The following NFAT5 variants were observed in gnomAD, a reference collection of about 807,000 sequenced individuals.
NFAT5 encodes nuclear factor of activated T cells 5, also known as nuclear factor of activated T-cells 5.
A neutral mutation model predicts 166.5 loss-of-function variants in NFAT5; 31 were observed. That is an observed-to-expected ratio of 0.19 (90% CI 0.14 to 0.25). NFAT5 has a LOEUF of 0.25. NFAT5 is among the 10% of genes least tolerant of loss of function. The probability of loss-of-function intolerance (pLI) is 1.00; values close to 1 mark genes in which losing one functional copy is unlikely to be tolerated. For missense variants in NFAT5, 1,449 were observed against 1,821.8 expected (o/e 0.80, Z 3.72); for synonymous variants, 612 against 639.7 (o/e 0.96, Z 0.65).
chr16:69,626,738 A>G (rs925899745), intron 3 of NFAT5, among the ~76,000 whole-genome samples: 2 of 152,212 alleles, frequency 1.3e-5, no homozygotes, highest in Admixed American at 1.3e-4. Flanking sequence ...TGTCTCATCT[A>G]TAAATGCCAT....
chr16:69,593,479 T>A (rs866657701), intron 2 of NFAT5, among the ~76,000 whole-genome samples: 6,608 of 87,238 alleles, frequency 0.076, 483 homozygotes, highest in African/African-American at 0.26. Context: ...CCCAGCTAAT[T>A]TTTTTTTTTT....
intron 2 of NFAT5, among the ~76,000 whole-genome samples, chr16:69,593,343 A>AG (rs2032587622): frequency 6.6e-6 from 1 of 152,016 alleles, no homozygotes; most frequent in Admixed American, 6.6e-5. Context: ...TTTAAAAAAA[A>AG]ATTTTTTTAA....
intron 2 of NFAT5, among the ~76,000 whole-genome samples, chr16:69,594,060 G>A (rs1451299610): frequency 6.6e-6 from 1 of 152,184 alleles, no homozygotes; most frequent in East Asian, 1.9e-4. Context: ...TATGTCCTAA[G>A]ACCCTCTAGT....
intron 2 of NFAT5, among the ~76,000 whole-genome samples, chr16:69,608,965 C>CA (rs1487246191): frequency 3.3e-5 from 5 of 150,858 alleles, no homozygotes; most frequent in Non-Finnish European, 7.4e-5. Flanking sequence ...ACTAAAAATA[C>CA]AAAAAATTAG....
chr16:69,696,911 G>A lies in NFAT5; in HGVS notation c.*560G>A, dbSNP rs1482671048. 1 of 152,534 alleles carries A rather than the reference G, an allele frequency of 6.6e-6. No homozygotes were observed. The highest frequency in any genetic ancestry group is 2.4e-5 in the African/African-American group (1 of 41,440). The allele number at this position is 152,534 out of a possible 1,614,324, so 9.4% of individuals were successfully genotyped here. ...TAACATTCTAACAAGTAAACTGTAT[G>A]TGCAGATAAAAGTACTCTTGATTTA... is the stretch of plus-strand genomic sequence containing the variant. On this transcript the variant is annotated 3_prime_UTR_variant, in exon 15 of 15. Coordinates refer to ENST00000349945, the MANE Select transcript of NFAT5 (RefSeq NM_138713.4).
chr16:69,647,695 C>A lies in NFAT5; in HGVS notation c.812+109C>A. The A allele has an allele frequency of 1.0e-6, 1 of 974,754 alleles. No individual in the cohort carries two copies. The highest frequency in any genetic ancestry group is 1.5e-6 in the Non-Finnish European group (1 of 671,014). The allele number at this position is 974,754 out of a possible 1,614,324, so 60.4% of individuals were successfully genotyped here. On this transcript the variant is annotated intron_variant, in intron 4 of 14. Coordinates refer to ENST00000349945, the MANE Select transcript of NFAT5 (RefSeq NM_138713.4). The surrounding 1 kb of genome is among the most constrained non-coding windows in gnomAD (Gnocchi z 4.8). ...GAGCTCAAGTTTGCATATAAAGCAA[C>A]AGTGCTAATTTTATCATTGAAATAC...
At position 69,703,054 on chromosome 16, in the gene NFAT5, C is replaced by A. The variant is rs1284745317; in HGVS notation, c.*6703C>A. On this transcript the variant is annotated 3_prime_UTR_variant, in exon 15 of 15. Coordinates refer to ENST00000349945, the MANE Select transcript of NFAT5 (RefSeq NM_138713.4). ...ATATAATTGACCGGTGCTAAAGTCT[C>A]CTGTTTATCCATAAAATGGGTACAT... 1 of 152,708 alleles carries A rather than the reference C, an allele frequency of 6.5e-6. No individual in the cohort carries two copies. The highest frequency in any genetic ancestry group is 1.9e-4 in the East Asian group (1 of 5,192). 9.5% of individuals were successfully genotyped at this position (152,708 alleles called of 1,614,324 possible). A position where few individuals can be genotyped will look rare whatever the true frequency, so the allele number is the denominator to read the frequency against.
intron 3 of NFAT5, among the ~76,000 whole-genome samples, chr16:69,631,358 G>T (rs1229537960): frequency 6.6e-6 from 1 of 152,074 alleles, no homozygotes; most frequent in Non-Finnish European, 1.5e-5. Context: ...TTGAACTCGG[G>T]TGGCAGAGGT....
At chr16:69,651,920 G>T (rs1052296440) in intron 4 of NFAT5, among the ~76,000 whole-genome samples, 2 of 151,788 alleles carry the variant, frequency 1.3e-5, no homozygotes, top group African/African-American at 4.8e-5. Context: ...GATCCACCCC[G>T]CTTGGCCTCC....
chr16:69,578,733 G>C, intron 2 of NFAT5, among the ~76,000 whole-genome samples: 1 of 151,578 alleles, frequency 6.6e-6, no homozygotes, highest in East Asian at 1.9e-4. Context: ...CTGAAACAAA[G>C]ATTTTACTTG....
intron 10 of NFAT5, among the ~76,000 whole-genome samples, chr16:69,677,673 G>A (rs1327223177): frequency 1.3e-5 from 2 of 152,102 alleles, no homozygotes; most frequent in East Asian, 1.9e-4. Context: ...GACAACTTTG[G>A]GAAATTGCTA....
intron 2 of NFAT5, among the ~76,000 whole-genome samples, chr16:69,573,107 G>T (rs2016535456): frequency 6.6e-6 from 1 of 152,176 alleles, no homozygotes; most frequent in African/African-American, 2.4e-5. Flanking sequence ...TCCCAAAAGT[G>T]CTAGGATTAC....
chr16:69,582,572 C>A (rs898354274), intron 2 of NFAT5, among the ~76,000 whole-genome samples: 8 of 150,650 alleles, frequency 5.3e-5, no homozygotes, highest in African/African-American at 9.8e-5. Context: ...CATTGTTTTG[C>A]ATGTGCATAT....
chr16:69,693,384 C>T lies in NFAT5; in HGVS notation c.3559C>T (p.Pro1187Ser), dbSNP rs773877816. 1.2e-6 allele frequency: 2 copies of T among 1,614,188 alleles called. No individual in the cohort carries two copies. Among genetic ancestry groups the T allele is most frequent in the South Asian group, 2.2e-5 (2 of 91,080 alleles). The change falls in exon 13 of 15, where the codon CCA (proline) becomes TCA (serine). Residue 1187 changes from proline to serine, a missense_variant. Pro to Ser is a moderately conservative substitution (Grantham distance 74). This residue lies in a region of NFAT5 where 891 missense variants were observed against 993.0 expected (regional missense o/e 0.90). Coordinates refer to ENST00000349945, the MANE Select transcript of NFAT5 (RefSeq NM_138713.4). ...AFFAAPNSISPLQSTSNSEQQ... is the reference protein window; with the variant it reads ...AFFAAPNSISSLQSTSNSEQQ... ...TTTTGCAGCACCGAACTCAATTTCTCCACTTCAGTCAACATCAAACAGTGA... is the reference window on the plus strand; with the variant it reads ...TTTTGCAGCACCGAACTCAATTTCTTCACTTCAGTCAACATCAAACAGTGA...
chr16:69,602,062 T>C (rs1406126724), intron 2 of NFAT5, among the ~76,000 whole-genome samples: 2 of 152,206 alleles, frequency 1.3e-5, no homozygotes, highest in African/African-American at 4.8e-5. Context: ...CTTCATTTAG[T>C]TGTATAGCTT....
chr16:69,631,119 C>T (rs1354375140), intron 3 of NFAT5, among the ~76,000 whole-genome samples: 4 of 152,186 alleles, frequency 2.6e-5, no homozygotes, highest in African/African-American at 9.6e-5. Flanking sequence ...ATTTTTAATT[C>T]AAATTCTTGA....
Position 69,691,009 on chromosome 16 carries a change from T to TACC in NFAT5, c.1846_1848dup (p.Pro616dup). 6 of 1,609,682 alleles carry TACC rather than the reference T, an allele frequency of 3.7e-6. No individual in the cohort carries two copies. The highest frequency in any genetic ancestry group is 5.1e-6 in the Non-Finnish European group (6 of 1,178,096). On this transcript the variant is annotated inframe_insertion, in exon 12 of 15. Transcript: ENST00000349945. Reference sequence around the variant, plus strand: ...CCTAATGCCCTGATGACTCCACTCATACCAAGCAGTATGATTAAGAGTGAA... The same window carrying TACC: ...CCTAATGCCCTGATGACTCCACTCATACCACCAAGCAGTATGATTAAGAGTGAA...
intron 2 of NFAT5, among the ~76,000 whole-genome samples, chr16:69,586,375 G>A (rs11075729): frequency 0.55 from 82,812 of 151,900 alleles, 24,017 homozygotes; most frequent in East Asian, 0.81. Flanking sequence ...TTCATGAGGC[G>A]TAGACATATT....
intron 3 of NFAT5, chr16:69,644,723 A>G (rs1284459458): frequency 1.1e-5 from 4 of 373,440 alleles, no homozygotes; most frequent in South Asian, 7.9e-5. Flanking sequence ...TGCATATTAA[A>G]TTCATAATAC....
Sources: allele counts gnomAD v4.1 joint callset (sites outside exome capture counted in the v4.1 genomes callset), GRCh38; gene constraint gnomAD v4.1.1; regional missense constraint gnomAD v4.1.1; non-coding constraint Gnocchi (gnomAD v3.1); transcripts MANE v1.5; gene names NCBI Gene and HGNC (gene_info 2026-07-23, HGNC 2026-07-21).